Variants in FRMD4B observed in about 807,000 individuals in gnomAD.
FRMD4B encodes FERM domain containing 4B.
In FRMD4B, 74 loss-of-function variants were observed where a neutral mutation model predicts 141.5. That is an observed-to-expected ratio of 0.52 (90% CI 0.43 to 0.63). The LOEUF is 0.63. FRMD4B is among the 30% of genes least tolerant of loss of function. The probability of loss-of-function intolerance (pLI) is 0.00; values close to 1 mark genes in which losing one functional copy is unlikely to be tolerated. For synonymous variants in FRMD4B, 506 were observed against 467.9 expected, an observed-to-expected ratio of 1.08 and a Z score of -1.05; for missense variants, 1,366 against 1,253.4, an observed-to-expected ratio of 1.09 and a Z score of -1.36.
intron 1 of FRMD4B, among the ~76,000 whole-genome samples, chr3:69,440,781 C>T (rs1340031020): frequency 6.6e-6 from 1 of 152,106 alleles, no homozygotes; most frequent in Non-Finnish European, 1.5e-5. Flanking sequence ...GCACTCCAGC[C>T]TTGGCAACAG....
intron 1 of FRMD4B, among the ~76,000 whole-genome samples, chr3:69,322,721 T>C (rs1462669349): frequency 6.6e-6 from 1 of 151,560 alleles, no homozygotes; most frequent in South Asian, 2.1e-4. Flanking sequence ...CTCAGCCTCC[T>C]GAATAGCTGG....
intron 5 of FRMD4B, among the ~76,000 whole-genome samples, chr3:69,256,066 C>CA (rs1424299906): frequency 2.6e-5 from 4 of 152,052 alleles, no homozygotes; most frequent in Non-Finnish European, 5.9e-5. Context: ...CACTGGACTC[C>CA]AGCCTGGGTG....
At chr3:69,495,962 G>A (rs1012472218) in intron 1 of FRMD4B, among the ~76,000 whole-genome samples, 1 of 152,166 alleles carries the variant, frequency 6.6e-6, no homozygotes, top group Admixed American at 6.6e-5. Flanking sequence ...AATAGACTAT[G>A]AGTATATGGT....
intron 5 of FRMD4B, among the ~76,000 whole-genome samples, chr3:69,276,641 T>G (rs1416358412): frequency 6.6e-6 from 1 of 152,158 alleles, no homozygotes; most frequent in Non-Finnish European, 1.5e-5. Flanking sequence ...ACCTCCAGGT[T>G]CACGCTCAGA....
chr3:69,521,947 A>C (rs1450412295), intron 1 of FRMD4B, among the ~76,000 whole-genome samples: 2 of 152,206 alleles, frequency 1.3e-5, no homozygotes, highest in Non-Finnish European at 2.9e-5. Flanking sequence ...CACACAATTC[A>C]TGTTACATAG....
rs778094939 is a variant in FRMD4B, at chr3:69,181,004, G to A, written c.2746C>T (p.Pro916Ser). The A allele has an allele frequency of 1.2e-6, 2 of 1,614,012 alleles. No individual in the cohort carries two copies. Among genetic ancestry groups the A allele is most frequent in the Admixed American group, 3.3e-5 (2 of 60,028 alleles). ...ASGQKDQGHS[P>S]QTSFDSDRGS... is the part of the protein sequence containing the mutation. The stretch of plus-strand genomic sequence containing the variant: ...CTGTCTGAGTCAAAGCTGGTCTGCG[G>A]GCTGTGTCCCTGATCCTTCTGCCCA... The change falls in exon 21 of 23, where the codon CCG becomes TCG. Residue 916 changes from proline (P) to serine (S), a missense_variant. Pro to Ser is a moderately conservative substitution (Grantham distance 74). Transcript: ENST00000398540.
chr3:69,337,248 G>A (rs1225772780), intron 1 of FRMD4B, among the ~76,000 whole-genome samples: 3 of 152,132 alleles, frequency 2.0e-5, no homozygotes, highest in Non-Finnish European at 4.4e-5. Flanking sequence ...AAACTGGCTA[G>A]CCATATGTAG....
rs183901164 is a variant in FRMD4B, at chr3:69,416,974, C to T, written c.-1+15660G>A. On this transcript the variant is annotated intron_variant, in intron 2 of 5. Transcript: ENST00000459638. ...CAGTGATGGGCATTTGGGTTGGTTC[C>T]GAGTCTTTGCTATTGTAAATGGTGC... Among the ~76,000 whole-genome samples the T allele has an allele frequency of 1.4e-4, 22 of 152,136 alleles. No individual in the cohort carries two copies. In the East Asian group the frequency reaches 2.5e-3, roughly 17 times the overall value.
rs530751104 is a variant in FRMD4B, at chr3:69,203,285, G to T, written c.877-4511C>A. 3.3e-4 allele frequency among the ~76,000 whole-genome samples: 40 copies of T among 119,656 alleles called. 1 individual carries two copies. The South Asian group carries it at 0.011, about 32-fold the overall frequency. 78.5% of individuals were successfully genotyped at this position (119,656 alleles called of 152,430 possible). On this transcript the variant is annotated intron_variant, in intron 11 of 22. Coordinates refer to ENST00000398540, the MANE Select transcript of FRMD4B (RefSeq NM_015123.3). Reference sequence around the variant, plus strand: ...CCTGTCCCACCCCACTATTATAATGGTTCCTAAATATCTGAGGGTACTGTC... The same window carrying T: ...CCTGTCCCACCCCACTATTATAATGTTTCCTAAATATCTGAGGGTACTGTC...
chr3:69,451,813 CCTGGCAA>C (rs1189924053), intron 1 of FRMD4B, among the ~76,000 whole-genome samples: 1 of 152,110 alleles, frequency 6.6e-6, no homozygotes, highest in Admixed American at 6.5e-5. Context: ...GTACTAAGGC[CCTGGCAA>C]CAGCCAGCAC....
At chr3:69,230,537 G>A (rs112669903) in intron 7 of FRMD4B, among the ~76,000 whole-genome samples, 60 of 151,960 alleles carry the variant, frequency 3.9e-4, no homozygotes, top group African/African-American at 1.4e-3. Context: ...CCTGAGGTCA[G>A]GAGTTTGAGA....
At chr3:69,394,305 A>T (rs1192350751) in intron 2 of FRMD4B, among the ~76,000 whole-genome samples, 1 of 152,224 alleles carries the variant, frequency 6.6e-6, no homozygotes, top group Admixed American at 6.5e-5. Context: ...TCCAAGCCCA[A>T]TTACCTCCCC....
At chr3:69,513,594 A>G (rs1435006147) in intron 1 of FRMD4B, among the ~76,000 whole-genome samples, 1 of 152,196 alleles carries the variant, frequency 6.6e-6, no homozygotes, top group African/African-American at 2.4e-5. Flanking sequence ...AAGATGCTAC[A>G]AGAAAACTAC....
chr3:69,339,611 C>A (rs569666551), intron 1 of FRMD4B, among the ~76,000 whole-genome samples: 10 of 151,938 alleles, frequency 6.6e-5, no homozygotes, highest in African/African-American at 2.4e-4. Flanking sequence ...AAATGTATCC[C>A]AGAACTTAAA....
At chr3:69,537,128 G>T (rs1184544303) in intron 1 of FRMD4B, among the ~76,000 whole-genome samples, 1 of 152,088 alleles carries the variant, frequency 6.6e-6, no homozygotes, top group Non-Finnish European at 1.5e-5. Flanking sequence ...TTACACATGG[G>T]GTGGCCACAT....
In FRMD4B at chr3:69,195,059, G is replaced by C. The variant is rs141005309; in HGVS notation, c.1451C>G (p.Ala484Gly). The C allele has an allele frequency of 6.2e-7, 1 of 1,613,504 alleles. No homozygotes were observed. The highest frequency in any genetic ancestry group is 1.7e-5 in the Admixed American group (1 of 59,996). ...CAGCAAGTTGTCATCTAATTTGAAC[G>C]CAGTACCCACACGTCTTCTGACCTG... Reference protein sequence around the residue: ...PPQVRRRVGTAFKLDDNLLPS... With the variant: ...PPQVRRRVGTGFKLDDNLLPS... The change falls in exon 16 of 23, where the codon GCG becomes GGG. Residue 484 changes from alanine to glycine, a missense_variant. By Grantham distance (60) the Ala-to-Gly change is moderately conservative. Coordinates refer to ENST00000398540, the MANE Select transcript of FRMD4B (RefSeq NM_015123.3).
rs5849906 is a variant in FRMD4B at position 69,526,801 on chromosome 3, AG to A, written c.-129+15404del. Among the ~76,000 whole-genome samples the A allele has an allele frequency of 9.7e-4, 147 of 152,292 alleles. 2 individuals are homozygous for A. The East Asian group carries it at 0.016, about 16-fold the overall frequency. ...TTTACAAATAAGGAAACTGAAACTC[AG>A]GAAGGTTTCCTGACTTGCACAAGGT... On this transcript the variant is annotated intron_variant, in intron 1 of 5. Coordinates refer to the FRMD4B transcript ENST00000459638.
At chr3:69,486,261 G>A (rs1224413582) in intron 1 of FRMD4B, among the ~76,000 whole-genome samples, 1 of 152,134 alleles carries the variant, frequency 6.6e-6, no homozygotes, top group East Asian at 1.9e-4. Flanking sequence ...GGTAAAGGTG[G>A]TTTTTGGTTA....
intron 5 of FRMD4B, among the ~76,000 whole-genome samples, chr3:69,285,355 C>T (rs1331495416): frequency 4.3e-5 from 6 of 140,390 alleles, no homozygotes; most frequent in African/African-American, 1.6e-4. Context: ...AGTGGCCAAG[C>T]GTATGTGTAA....
Sources: gnomAD v4.1 joint callset for allele counts (sites outside exome capture counted in the v4.1 genomes callset) on GRCh38, gnomAD v4.1.1 for gene constraint, MANE v1.5 for transcripts, NCBI Gene and HGNC (gene_info 2026-07-23, HGNC 2026-07-21) for gene names.